ABI3BP: variants seen among roughly 807,000 people sequenced by gnomAD.
ABI3BP encodes the protein target of Nesh-SH3.
A neutral mutation model predicts 268.6 loss-of-function variants in ABI3BP; 216 were observed. The observed-to-expected ratio is 0.80, with a 90% CI of 0.72 to 0.90. The LOEUF is 0.90. Among genes scored for constraint, ABI3BP ranks in the 40% least tolerant of loss-of-function variants. ABI3BP has a pLI of 0.00. For missense variants in ABI3BP, 2,090 were observed against 2,182.4 expected (o/e 0.96, Z 0.84); for synonymous variants, 730 against 730.0 (o/e 1.00, Z 0.00).
chr3:100,978,342 T>G (rs887490339), intron 1 of ABI3BP, among the ~76,000 whole-genome samples: 5 of 152,252 alleles, frequency 3.3e-5, no homozygotes, highest in African/African-American at 1.2e-4. Flanking sequence ...GTGTCTTTCT[T>G]CATTGACCTA....
chr3:100,852,733 G>A (rs1208491375), intron 14 of ABI3BP, among the ~76,000 whole-genome samples: 1 of 152,158 alleles, frequency 6.6e-6, no homozygotes, highest in East Asian at 1.9e-4. Flanking sequence ...AGCCTTTCTC[G>A]AGTTTGGGCA....
chr3:100,874,953 A>C lies in ABI3BP; in HGVS notation c.818-20T>G. 1 of 1,443,860 alleles carries C rather than the reference A, an allele frequency of 6.9e-7. No individual in the cohort carries two copies. Among genetic ancestry groups the C allele is most frequent in the Admixed American group, 1.9e-5 (1 of 53,400 alleles). The allele number at this position is 1,443,860 out of a possible 1,614,324, so 89.4% of individuals were successfully genotyped here. ...GGTGGACTGCAAGGAAATAGATGTAAATAAGATAAGGGGAAGAAAGTGCAT... is the reference window on the plus strand; with the variant it reads ...GGTGGACTGCAAGGAAATAGATGTACATAAGATAAGGGGAAGAAAGTGCAT... On this transcript the variant is annotated intron_variant, in intron 8 of 67. Coordinates refer to ENST00000471714, the MANE Select transcript of ABI3BP (RefSeq NM_001375547.2).
At chr3:100,903,412 T>C (rs1401937078) in intron 2 of ABI3BP, among the ~76,000 whole-genome samples, 1 of 152,236 alleles carries the variant, frequency 6.6e-6, no homozygotes, top group Non-Finnish European at 1.5e-5. Context: ...GTCTGCAAGA[T>C]GAATGGCTGG....
chr3:100,801,360 C>T (rs1224178511), intron 51 of ABI3BP, among the ~76,000 whole-genome samples: 1 of 141,416 alleles, frequency 7.1e-6, no homozygotes, highest in Non-Finnish European at 1.5e-5. Context: ...CCCAGGGGAT[C>T]GAGGCTGCAG....
intron 52 of ABI3BP, 117 bp from the exon 53 acceptor site, chr3:100,795,968 T>C: frequency 1.4e-6 from 1 of 705,466 alleles, no homozygotes; most frequent in African/African-American, 2.0e-5. Context: ...TCTCTAAGAA[T>C]TGTAATAAAT....
At chr3:100,759,369 T>A (rs1463296672) in intron 63 of ABI3BP, among the ~76,000 whole-genome samples, 2 of 152,170 alleles carry the variant, frequency 1.3e-5, no homozygotes, top group African/African-American at 4.8e-5. Flanking sequence ...ATGGTAAGCA[T>A]TTCTGGATAC....
chr3:100,829,712 G>T, intron 32 of ABI3BP, 48 bp from the exon 33 acceptor site: 2 of 1,391,834 alleles, frequency 1.4e-6, no homozygotes, highest in Middle Eastern at 1.7e-4. Context: ...GGTTCCGGAA[G>T]CTGTGGATAA....
At position 100,873,348 on chromosome 3, in the gene ABI3BP, T is replaced by C. The variant is rs555839804; in HGVS notation, c.910+1493A>G. Among the ~76,000 whole-genome samples, 16 of 152,042 alleles carry C rather than the reference T, an allele frequency of 1.1e-4. No individual in the cohort carries two copies. In the South Asian group the frequency reaches 1.9e-3, roughly 18 times the overall value. On this transcript the variant is annotated intron_variant, in intron 9 of 67. Coordinates refer to ENST00000471714, the MANE Select transcript of ABI3BP (RefSeq NM_001375547.2). ...TGGCCCTATTCCCTAAAGAAGAAAA[T>C]TGGAAACAAGAAAAAGACATCAACA...
intron 31 of ABI3BP, among the ~76,000 whole-genome samples, chr3:100,831,709 C>T (rs983705846): frequency 2.6e-5 from 4 of 152,148 alleles, no homozygotes; most frequent in African/African-American, 7.2e-5. Context: ...TCTGTTCCCT[C>T]ATCCCTCTAC....
intron 1 of ABI3BP, among the ~76,000 whole-genome samples, chr3:100,946,561 G>C (rs1248558818): frequency 1.3e-5 from 2 of 151,898 alleles, no homozygotes; most frequent in Non-Finnish European, 2.9e-5. Context: ...GGCCGAGGTG[G>C]GCAGATCACC....
intron 4 of ABI3BP, among the ~76,000 whole-genome samples, chr3:100,886,880 TA>T (rs1044099684): frequency 6.6e-6 from 1 of 152,002 alleles, no homozygotes; most frequent in South Asian, 2.1e-4. Context: ...AAGAGTCAAA[TA>T]AAAAAAGTTA....
chr3:100,957,735 T>C (rs2077312665), intron 1 of ABI3BP, among the ~76,000 whole-genome samples: 1 of 152,176 alleles, frequency 6.6e-6, no homozygotes, highest in Non-Finnish European at 1.5e-5. Context: ...TTAAGCTACT[T>C]GCTAAGGGAG....
chr3:100,956,248 C>T lies in ABI3BP; in HGVS notation c.80-29767G>A, dbSNP rs998447665. The stretch of plus-strand genomic sequence containing the variant: ...ACACACACACACACACACACACACA[C>T]ACACACACACACATATGGCATGTCA... On this transcript the variant is annotated intron_variant, in intron 1 of 67. Transcript: ENST00000471714. 7.2e-3 allele frequency among the ~76,000 whole-genome samples: 1,002 copies of T among 139,080 alleles called. 13 individuals carry two copies. Among genetic ancestry groups the T allele is most frequent in the African/African-American group, 0.024 (913 of 38,664 alleles). 91.2% of individuals were successfully genotyped at this position (139,080 alleles called of 152,430 possible).
chr3:100,843,542 TG>T (rs2098733134), intron 20 of ABI3BP: 4 of 854,538 alleles, frequency 4.7e-6, no homozygotes, highest in African/African-American at 2.1e-5. Context: ...TGTGTGTGTG[TG>T]AGAGAGAGAG....
At chr3:100,860,382 G>A (rs2098984686) in intron 14 of ABI3BP, among the ~76,000 whole-genome samples, 2 of 152,192 alleles carry the variant, frequency 1.3e-5, no homozygotes, top group African/African-American at 4.8e-5. Flanking sequence ...GTTCTCAGTT[G>A]GAAGTTCTCT....
At position 100,902,704 on chromosome 3, in the gene ABI3BP, A is replaced by G; in HGVS notation, c.260-18T>C. The G allele has an allele frequency of 6.2e-7, 1 of 1,611,576 alleles. No individual in the cohort carries two copies. The highest frequency in any genetic ancestry group is 8.5e-7 in the Non-Finnish European group (1 of 1,178,374). On this transcript the variant is annotated intron_variant, in intron 2 of 67. Transcript: ENST00000471714. ...CTCTGCATCTGGAAGCAATAACATT[A>G]TTTATCAGAAAAACCCTTTGAGAAC...
At chr3:100,927,474 T>C (rs776854633) in intron 1 of ABI3BP, among the ~76,000 whole-genome samples, 10 of 137,060 alleles carry the variant, frequency 7.3e-5, no homozygotes, top group Non-Finnish European at 1.4e-4. Flanking sequence ...TATAAAGAGA[T>C]ATCTGAAACT....
chr3:100,860,979 GGCT>G lies in ABI3BP; in HGVS notation c.1285+1329_1285+1331del, dbSNP rs796640745. ...TACAATGCAGCTGCACCTGGGTGAT[GGCT>G]ACTGAACCCAGAGGCTCACTCAGTA... On this transcript the variant is annotated intron_variant, in intron 14 of 67. Transcript: ENST00000471714. 2.3e-4 allele frequency among the ~76,000 whole-genome samples: 35 copies of G among 152,246 alleles called. 1 individual carries two copies. Among genetic ancestry groups the G allele is most frequent in the African/African-American group, 8.2e-4 (34 of 41,552 alleles).
intron 24 of ABI3BP, 141 bp downstream of exon 24, chr3:100,839,428 G>T: frequency 1.1e-6 from 1 of 920,840 alleles, no homozygotes. Context: ...AGGATCTTCA[G>T]ACCCAGACAG....
Sources: gnomAD v4.1 joint callset for allele counts (sites outside exome capture counted in the v4.1 genomes callset) on GRCh38, gnomAD v4.1.1 for gene constraint, MANE v1.5 for transcripts, NCBI Gene and HGNC (gene_info 2026-07-23, HGNC 2026-07-21) for gene names.